The following PSKH2 variants were observed in gnomAD, a reference collection of about 807,000 sequenced individuals.
The protein encoded by PSKH2 is serine/threonine-protein kinase H2.
In PSKH2, 16 loss-of-function variants were observed where a neutral mutation model predicts 22.5. The observed-to-expected ratio is 0.71, with a 90% CI of 0.48 to 1.08. PSKH2 has a LOEUF of 1.08. Ranked by LOEUF, PSKH2 falls within the 50% of genes least tolerant of loss-of-function variation. The probability of loss-of-function intolerance (pLI) is 0.00; values close to 1 mark genes in which losing one functional copy is unlikely to be tolerated. For missense variants in PSKH2, 516 were observed against 492.8 expected, an observed-to-expected ratio of 1.05 and a Z score of -0.44; for synonymous variants, 188 against 184.8, an observed-to-expected ratio of 1.02 and a Z score of -0.14.
At chr8:86,061,810 A>G (rs1817780487) in intron 2 of PSKH2, among the ~76,000 whole-genome samples, 1 of 152,228 alleles carries the variant, frequency 6.6e-6, no homozygotes, top group Non-Finnish European at 1.5e-5. Flanking sequence ...AGATGACTGC[A>G]GTCCCATCCA....
At chr8:86,069,037 G>A (rs113104542) in intron 1 of PSKH2, among the ~76,000 whole-genome samples, 1,727 of 152,232 alleles carry the variant, frequency 0.011, 20 homozygotes, top group Middle Eastern at 0.027. Flanking sequence ...GAAAATGGAC[G>A]CCTTCGAAAC....
intron 2 of PSKH2, among the ~76,000 whole-genome samples, chr8:86,059,759 G>A (rs1289350935): frequency 6.6e-6 from 1 of 152,158 alleles, no homozygotes; most frequent in Non-Finnish European, 1.5e-5. Flanking sequence ...TCTTTGGTGG[G>A]CCATTATTCT....
Position 86,048,459 on chromosome 8 carries a change from T to A in PSKH2, c.*3A>T, listed in dbSNP as rs1401237264. 1.2e-6 allele frequency: 2 copies of A among 1,607,408 alleles called. No individual in the cohort carries two copies. Among genetic ancestry groups the A allele is most frequent in the Admixed American group, 3.4e-5 (2 of 59,668 alleles). On this transcript the variant is annotated 3_prime_UTR_variant, in exon 3 of 3. Coordinates refer to ENST00000276616, the MANE Select transcript of PSKH2 (RefSeq NM_033126.3). The stretch of plus-strand genomic sequence containing the variant: ...GGCAAAAATAGTTTTAGAGGTCATC[T>A]GCTTACAAAAGCGCAGACAGTGGCG...
intron 2 of PSKH2, among the ~76,000 whole-genome samples, chr8:86,056,534 AT>A (rs1817699790): frequency 6.6e-6 from 1 of 152,236 alleles, no homozygotes; most frequent in South Asian, 2.1e-4. Context: ...CATGTAAAAG[AT>A]TTAAAAGGTG....
At chr8:86,053,958 G>C (rs2130147510) in intron 2 of PSKH2, among the ~76,000 whole-genome samples, 1 of 152,202 alleles carries the variant, frequency 6.6e-6, no homozygotes, top group African/African-American at 2.4e-5. Context: ...AGTTGCTTAA[G>C]CCTAGGAGGT....
chr8:86,064,949 C>T (rs1817837693), intron 1 of PSKH2, among the ~76,000 whole-genome samples: 1 of 152,046 alleles, frequency 6.6e-6, no homozygotes, highest in Non-Finnish European at 1.5e-5. Flanking sequence ...ATAATAATAT[C>T]CCCCTTTTTC....
chr8:86,055,528 AT>A (rs1281041013), intron 2 of PSKH2, among the ~76,000 whole-genome samples: 1 of 152,252 alleles, frequency 6.6e-6, no homozygotes, highest in African/African-American at 2.4e-5. Flanking sequence ...TAAAGTAAAA[AT>A]ATCATTAAAA....
In PSKH2 at chr8:86,064,676, T is replaced by C. The variant is rs761369320; in HGVS notation, c.186-45A>G. ...AACATGTTATCCCCAGAAGTGATGA[T>C]TCTCAAAATTATTTAAGTCCATGCT... On this transcript the variant is annotated intron_variant, in intron 1 of 2. Transcript: ENST00000276616. 2.1e-6 allele frequency: 3 copies of C among 1,451,018 alleles called. No homozygotes were observed. In the South Asian group the frequency reaches 3.8e-5, roughly 18 times the overall value. The allele number at this position is 1,451,018 out of a possible 1,614,324, so 89.9% of individuals were successfully genotyped here.
At chr8:86,049,750 C>G (rs6988949) in intron 2 of PSKH2, among the ~76,000 whole-genome samples, 2,186 of 67,022 alleles carry the variant, frequency 0.033, 198 homozygotes, top group Middle Eastern at 0.04. Flanking sequence ...AAGAAAGAAA[C>G]GAAAGAAAGA....
chr8:86,064,322 C>G lies in PSKH2; in HGVS notation c.495G>C (p.Gln165His). ...FTERDAVRIL[Q>H]MVADGIRYLH... ...AATACCTAATCCCATCAGCAACCAT[C>G]TGGAGGATCCTGACGGCATCCCGCT... The change falls in exon 2 of 3, where the codon CAG (glutamine) becomes CAC (histidine). Residue 165 changes from glutamine to histidine, a missense_variant. By Grantham distance (24) the Gln-to-His change is conservative. Coordinates refer to ENST00000276616, the MANE Select transcript of PSKH2 (RefSeq NM_033126.3). The G allele has an allele frequency of 6.2e-7, 1 of 1,614,188 alleles. No individual in the cohort carries two copies. Among genetic ancestry groups the G allele is most frequent in the Non-Finnish European group, 8.5e-7 (1 of 1,180,032 alleles).
chr8:86,061,062 A>G (rs2130161725), intron 2 of PSKH2, among the ~76,000 whole-genome samples: 1 of 152,218 alleles, frequency 6.6e-6, no homozygotes, highest in African/African-American at 2.4e-5. Flanking sequence ...ACCATTACCA[A>G]CCTCAGTGAC....
intron 1 of PSKH2, among the ~76,000 whole-genome samples, chr8:86,065,665 A>G (rs1201111158): frequency 1.3e-5 from 2 of 152,122 alleles, no homozygotes; most frequent in Non-Finnish European, 2.9e-5. Context: ...TTATCTGTGT[A>G]AACGTCTATT....
chr8:86,050,650 C>T (rs964954187), intron 2 of PSKH2, among the ~76,000 whole-genome samples: 5 of 152,094 alleles, frequency 3.3e-5, no homozygotes, highest in Admixed American at 1.3e-4. Context: ...ACCGTATACC[C>T]GGAAAACACT....
intron 2 of PSKH2, among the ~76,000 whole-genome samples, chr8:86,051,039 C>A (rs914648944): frequency 2.0e-4 from 30 of 151,992 alleles, no homozygotes; most frequent in Middle Eastern, 3.2e-3. Context: ...CTCCCACCCC[C>A]ACCCATGCCA....
At chr8:86,062,828 G>A (rs1326061984) in intron 2 of PSKH2, among the ~76,000 whole-genome samples, 1 of 152,184 alleles carries the variant, frequency 6.6e-6, no homozygotes, top group Non-Finnish European at 1.5e-5. Flanking sequence ...CAAGAAACCT[G>A]TGACAATTTG....
intron 2 of PSKH2, among the ~76,000 whole-genome samples, chr8:86,059,833 T>C (rs1817752699): frequency 2.6e-5 from 4 of 152,208 alleles, no homozygotes; most frequent in Non-Finnish European, 4.4e-5. Flanking sequence ...CACCAAAATA[T>C]ACTTCTTTGG....
At chr8:86,066,163 G>T (rs1409728959) in intron 1 of PSKH2, among the ~76,000 whole-genome samples, 1 of 147,954 alleles carries the variant, frequency 6.8e-6, no homozygotes, top group Non-Finnish European at 1.5e-5. Flanking sequence ...CCAATTGGTT[G>T]TTTACGTTGT....
Position 86,064,362 on chromosome 8 carries a change from T to C in PSKH2, c.455A>G (p.Gln152Arg), listed in dbSNP as rs1421754756. ...GGCATCCCGCTCTGTAAAGGATCCC[T>C]GAGCAATGAGTCGATCAAAGAGCTC... ...GGELFDRLIA[Q>R]GSFTERDAVR... Residue 152 changes from glutamine (Q) to arginine (R), a missense_variant, in exon 2 of 3, where the codon CAG becomes CGG. By Grantham distance (43) the Gln-to-Arg change is conservative (BLOSUM62 1). Coordinates refer to ENST00000276616, the MANE Select transcript of PSKH2 (RefSeq NM_033126.3). 1.2e-6 allele frequency: 2 copies of C among 1,614,068 alleles called. No individual in the cohort carries two copies. The highest frequency in any genetic ancestry group is 1.7e-6 in the Non-Finnish European group (2 of 1,180,030).
At chr8:86,057,964 G>A (rs1817725676) in intron 2 of PSKH2, among the ~76,000 whole-genome samples, 1 of 152,134 alleles carries the variant, frequency 6.6e-6, no homozygotes, top group Admixed American at 6.5e-5. Context: ...AAGACCACGA[G>A]GCTCCTAAGA....
Sources: gnomAD v4.1 joint callset for allele counts (sites outside exome capture counted in the v4.1 genomes callset) on GRCh38, gnomAD v4.1.1 for gene constraint, MANE v1.5 for transcripts, NCBI Gene and HGNC (gene_info 2026-07-23, HGNC 2026-07-21) for gene names.